PAH: variants seen among roughly 807,000 people sequenced by gnomAD.
The protein encoded by PAH is phenylalanine-4-hydroxylase.
Under a neutral mutation model 62.0 loss-of-function variants are expected in PAH, and 64 were observed. The ratio of observed to expected loss-of-function variants is 1.03; its 90% confidence interval spans 0.84 to 1.27. The LOEUF is 1.27. Ranked by LOEUF, PAH falls within the 50% of genes most tolerant of loss-of-function variation. The pLI, the probability that PAH is intolerant of heterozygous loss-of-function variation, is 0.00. For synonymous variants in PAH, 195 were observed against 196.2 expected, an observed-to-expected ratio of 0.99 and a Z score of 0.05; for missense variants, 579 against 542.8, an observed-to-expected ratio of 1.07 and a Z score of -0.66.
At chr12:102,877,318 C>T (rs1876608999) in intron 4 of PAH, 144 bp downstream of exon 4, 2 of 740,642 alleles carry the variant, frequency 2.7e-6, no homozygotes, top group Admixed American at 1.9e-5. Flanking sequence ...CTAATTTTTC[C>T]CAGCCCTCGT....
chr12:102,906,974 A>G (rs1263586708), intron 2 of PAH, among the ~76,000 whole-genome samples: 1 of 152,238 alleles, frequency 6.6e-6, no homozygotes, highest in Non-Finnish European at 1.5e-5. Context: ...TTGGCTAGAA[A>G]GTTTGTAGAA....
At chr12:102,919,167 C>G (rs1161185630), upstream of PAH, among the ~76,000 whole-genome samples, 2 of 152,198 alleles carry the variant, frequency 1.3e-5, no homozygotes, top group Non-Finnish European at 2.9e-5. Context: ...TCACCCAACA[C>G]CAAGGCACTG....
chr12:102,916,830 C>T (rs1250102454), intron 1 of PAH, among the ~76,000 whole-genome samples: 2 of 152,134 alleles, frequency 1.3e-5, no homozygotes, highest in African/African-American at 4.8e-5. Context: ...GGCCAGATCC[C>T]CAACCCCCTA....
upstream of PAH, chr12:102,953,308 T>TTAAATTTTA (rs1879823675): frequency 3.3e-5 from 5 of 152,192 alleles, no homozygotes; most frequent in Non-Finnish European, 7.3e-5. Context: ...AAATATAACT[T>TTAAATTTTA]TATTAAATTA....
chr12:102,934,257 G>T (rs1487665066), intron 1 of PAH, among the ~76,000 whole-genome samples: 1 of 151,980 alleles, frequency 6.6e-6, no homozygotes, highest in African/African-American at 2.4e-5. Flanking sequence ...TTGTTTGTGT[G>T]TTCTTTATTC....
chr12:102,936,811 A>T (rs1879116494), intron 1 of PAH, among the ~76,000 whole-genome samples: 2 of 151,904 alleles, frequency 1.3e-5, no homozygotes, highest in Non-Finnish European at 2.9e-5. Flanking sequence ...GATCATTGAG[A>T]CTTATTTTTT....
chr12:102,918,002 T>C (rs1878452191), upstream of PAH, among the ~76,000 whole-genome samples: 1 of 152,244 alleles, frequency 6.6e-6, no homozygotes, highest in South Asian at 2.1e-4. Context: ...GGTGGTGTTC[T>C]AGTCTTTGGG....
intron 4 of PAH, among the ~76,000 whole-genome samples, chr12:102,868,875 G>C (rs970838127): frequency 6.6e-6 from 1 of 152,210 alleles, no homozygotes; most frequent in Non-Finnish European, 1.5e-5. Flanking sequence ...ATAGTTAGTA[G>C]TGAATAGTTT....
rs1491228677 is a variant in PAH, at chr12:102,897,465, G to GTGTATATA, written c.169-2548_169-2547insTATATACA. 1.2e-4 allele frequency among the ~76,000 whole-genome samples: 11 copies of GTGTATATA among 93,968 alleles called. No homozygotes were observed. The East Asian group carries it at 1.8e-3, about 16-fold the overall frequency. 61.6% of individuals were successfully genotyped at this position (93,968 alleles called of 152,430 possible). Reference sequence around the variant, plus strand: ...CTCTCATATATATGTGTGTGTGTGTGTATATATATATATATATATATATAT... The same window carrying GTGTATATA: ...CTCTCATATATATGTGTGTGTGTGTGTGTATATATATATATATATATATATATATATAT... On this transcript the variant is annotated intron_variant, in intron 2 of 12. Coordinates refer to ENST00000553106, the MANE Select transcript of PAH (RefSeq NM_000277.3).
intron 10 of PAH, among the ~76,000 whole-genome samples, 179 bp from the exon 11 acceptor site, chr12:102,843,958 T>A (rs1258673430): frequency 6.6e-6 from 1 of 152,166 alleles, no homozygotes; most frequent in Admixed American, 6.5e-5. Context: ...TCATAGCTCA[T>A]CTAAAACCTA....
At chr12:102,891,800 G>T (rs533787708) in intron 3 of PAH, among the ~76,000 whole-genome samples, 1 of 152,248 alleles carries the variant, frequency 6.6e-6, no homozygotes, top group South Asian at 2.1e-4. Context: ...TCTCCAGCTG[G>T]TTTACTATAT....
chr12:102,896,884 G>A (rs928635993), intron 2 of PAH, among the ~76,000 whole-genome samples: 1 of 152,144 alleles, frequency 6.6e-6, no homozygotes, highest in Non-Finnish European at 1.5e-5. Flanking sequence ...GGATGAATAA[G>A]ATATTTCCTG....
chr12:102,943,240 A>G (rs1879358230), intron 1 of PAH, among the ~76,000 whole-genome samples: 1 of 151,986 alleles, frequency 6.6e-6, no homozygotes, highest in Admixed American at 6.6e-5. Context: ...ACAAACAACC[A>G]CATTAAAAAT....
chr12:102,893,841 T>C (rs1334753173), intron 3 of PAH, among the ~76,000 whole-genome samples: 1 of 152,186 alleles, frequency 6.6e-6, no homozygotes, highest in African/African-American at 2.4e-5. Flanking sequence ...CCTATATTAG[T>C]CATTCACTCA....
intron 5 of PAH, among the ~76,000 whole-genome samples, chr12:102,861,449 A>G (rs1875710440): frequency 6.6e-6 from 1 of 152,226 alleles, no homozygotes; most frequent in Admixed American, 6.5e-5. Flanking sequence ...TATAACTAGA[A>G]CTACCATTTG....
chr12:102,854,979 G>A (rs947662660), intron 6 of PAH, 157 bp downstream of exon 6: 1 of 714,824 alleles, frequency 1.4e-6, no homozygotes, highest in Non-Finnish European at 2.6e-6. Context: ...GCAGAGCACA[G>A]TGAAATTTAG....
At chr12:102,883,920 C>T (rs191225146) in intron 3 of PAH, among the ~76,000 whole-genome samples, 36 of 152,306 alleles carry the variant, frequency 2.4e-4, no homozygotes, top group Admixed American at 2.1e-3. Context: ...ACTAATAGTA[C>T]GTCCTTCAGA....
chr12:102,855,428 G>T, intron 5 of PAH, 96 bp from the exon 6 acceptor site: 4 of 884,700 alleles, frequency 4.5e-6, no homozygotes, highest in South Asian at 4.2e-5. Context: ...CAGAACCTGT[G>T]AGCTGCCATC....
At chr12:102,843,819 C>G in intron 10 of PAH, 40 bp from the exon 11 acceptor site, 7 of 1,607,138 alleles carry the variant, frequency 4.4e-6, no homozygotes, top group Non-Finnish European at 5.9e-6. Context: ...ACTGTTAAAT[C>G]AGGATCAGTA....
Sources: allele counts gnomAD v4.1 joint callset (sites outside exome capture counted in the v4.1 genomes callset), GRCh38; gene constraint gnomAD v4.1.1; transcripts MANE v1.5; gene names NCBI Gene and HGNC (gene_info 2026-07-23, HGNC 2026-07-21).